Variants in GPR107 observed in about 807,000 individuals in gnomAD.
GPR107 encodes the protein protein GPR107.
In GPR107, 31 loss-of-function variants were observed where a neutral mutation model predicts 75.5. The ratio of observed to expected loss-of-function variants is 0.41; its 90% CI spans 0.31 to 0.55. The LOEUF (loss-of-function observed/expected upper bound fraction) is 0.55. Among genes scored for constraint, GPR107 ranks in the 20% least tolerant of loss-of-function variants. The pLI, the probability that GPR107 is intolerant of heterozygous loss-of-function variation, is 0.26. For synonymous variants in GPR107, 267 were observed against 251.3 expected (o/e 1.06, Z -0.59); for missense variants, 572 against 665.7 (o/e 0.86, Z 1.55).
At chr9:130,101,489 A>G (rs954917075) in intron 12 of GPR107, among the ~76,000 whole-genome samples, 5 of 152,270 alleles carry the variant, frequency 3.3e-5, no homozygotes, top group African/African-American at 2.4e-5. Context: ...GACACACAGT[A>G]ACACACAGTA....
At position 130,107,514 on chromosome 9, in the gene GPR107, A is replaced by G. The variant is rs774565572; in HGVS notation, c.1281A>G (p.Gln427=). 1 of 1,600,152 alleles carries G rather than the reference A, an allele frequency of 6.2e-7. No individual in the cohort carries two copies. The highest frequency in any genetic ancestry group is 8.6e-7 in the Non-Finnish European group (1 of 1,167,142). ...FPVVWSIRHL[Q]EASATDGKAA... The stretch of plus-strand genomic sequence containing the variant: ...TTTTTAGGTCAATCAGACATTTACA[A>G]GAAGCATCAGCAACAGATGGAAAAG... Residue 427 remains glutamine (Q), a synonymous_variant, in exon 14 of 18, where the codon CAA becomes CAG. Coordinates refer to ENST00000347136, the MANE Select transcript of GPR107 (RefSeq NM_020960.5).
At chr9:130,067,974 A>T (rs552732653) in intron 1 of GPR107, among the ~76,000 whole-genome samples, 108 of 151,986 alleles carry the variant, frequency 7.1e-4, no homozygotes, top group African/African-American at 2.5e-3. Flanking sequence ...TTCTGACTTC[A>T]AGTGATCCTC....
intron 7 of GPR107, among the ~76,000 whole-genome samples, chr9:130,088,785 G>T (rs538550220): frequency 6.6e-6 from 1 of 152,272 alleles, no homozygotes; most frequent in South Asian, 2.1e-4. Context: ...TAACCACTTT[G>T]CCTTTTACTG....
intron 14 of GPR107, chr9:130,110,362 T>C: frequency 1.3e-6 from 2 of 1,522,792 alleles, no homozygotes; most frequent in South Asian, 1.2e-5. Context: ...CTCATTTTTT[T>C]CCACCAGGTG....
At position 130,056,924 on chromosome 9, in the gene GPR107, C is replaced by CAAAAAAAAAAAAAAAAAA. The variant is rs11442007; in HGVS notation, c.141+2861_141+2878dup. Among the ~76,000 whole-genome samples, 9 of 42,896 alleles carry CAAAAAAAAAAAAAAAAAA rather than the reference C, an allele frequency of 2.1e-4. 1 individual carries two copies. The highest frequency in any genetic ancestry group is 1.0e-3 in the African/African-American group (9 of 8,646). 28.1% of individuals were successfully genotyped at this position (42,896 alleles called of 152,430 possible). A position where few individuals can be genotyped will look rare whatever the true frequency, so the allele number is the denominator to read the frequency against. ...TGGGTGACAGAGCGAGACTCCTTCT[C>CAAAAAAAAAAAAAAAAAA]AAAAAAAAAAAAAAAAAAAAAAAAA... On this transcript the variant is annotated intron_variant, in intron 1 of 17. Coordinates refer to ENST00000347136, the MANE Select transcript of GPR107 (RefSeq NM_020960.5).
At chr9:130,097,955 C>T (rs1295336404) in intron 9 of GPR107, among the ~76,000 whole-genome samples, 1 of 151,854 alleles carries the variant, frequency 6.6e-6, no homozygotes, top group Admixed American at 6.6e-5. Flanking sequence ...AGTCACGGCT[C>T]ATTGCAGCCT....
intron 1 of GPR107, among the ~76,000 whole-genome samples, chr9:130,062,573 G>T (rs190036365): frequency 4.9e-4 from 74 of 152,046 alleles, no homozygotes; most frequent in Middle Eastern, 3.4e-3. Flanking sequence ...TAGACAGGTA[G>T]TTATGATATA....
At chr9:130,073,369 A>G (rs1036206396) in intron 1 of GPR107, among the ~76,000 whole-genome samples, 1 of 152,294 alleles carries the variant, frequency 6.6e-6, no homozygotes, top group Middle Eastern at 3.4e-3. Flanking sequence ...GAGAAAATAG[A>G]TACTGAAGAC....
At chr9:130,091,122 C>T (rs541788613) in intron 8 of GPR107, 139 bp downstream of exon 8, 1 of 616,486 alleles carries the variant, frequency 1.6e-6, no homozygotes, top group South Asian at 1.9e-5. Context: ...GTGCAGGATA[C>T]TTCAGCAGAG....
intron 14 of GPR107, among the ~76,000 whole-genome samples, chr9:130,116,079 CT>C (rs1453750673): frequency 2.6e-5 from 4 of 152,226 alleles, no homozygotes; most frequent in African/African-American, 9.6e-5. Context: ...TGATACCACT[CT>C]CAGTTCATTT....
chr9:130,090,527 G>A (rs577553517), intron 7 of GPR107, among the ~76,000 whole-genome samples: 209 of 152,322 alleles, frequency 1.4e-3, no homozygotes, highest in Non-Finnish European at 2.6e-3. Context: ...GATAAAACAG[G>A]CATAGTAAAA....
chr9:130,109,179 C>A (rs1831234803), intron 14 of GPR107, among the ~76,000 whole-genome samples: 1 of 150,880 alleles, frequency 6.6e-6, no homozygotes, highest in African/African-American at 2.4e-5. Context: ...TGGGGATATT[C>A]TTCTTTTTTA....
At chr9:130,104,001 G>C (rs887760738) in intron 12 of GPR107, among the ~76,000 whole-genome samples, 1 of 152,202 alleles carries the variant, frequency 6.6e-6, no homozygotes, top group Admixed American at 6.5e-5. Context: ...CTTCTGGGCT[G>C]AGAAGCTTGC....
chr9:130,134,715 G>A (rs1361353725), intron 17 of GPR107, among the ~76,000 whole-genome samples: 4 of 152,196 alleles, frequency 2.6e-5, no homozygotes, highest in Admixed American at 6.5e-5. Context: ...CAAAAATTCC[G>A]CAAGCTGTGA....
At chr9:130,130,730 C>T (rs903996089) in intron 17 of GPR107, among the ~76,000 whole-genome samples, 11 of 152,052 alleles carry the variant, frequency 7.2e-5, no homozygotes, top group Admixed American at 6.5e-4. Context: ...ATTAGCTGGG[C>T]GTGGTGGCAG....
chr9:130,099,868 CTTTTTTTTTTTTTTTT>C (rs71387314), intron 10 of GPR107, among the ~76,000 whole-genome samples: 51 of 89,990 alleles, frequency 5.7e-4, no homozygotes, highest in African/African-American at 1.9e-3. Context: ...GTTTCCACGA[CTTTTTTTTTTTTTTTT>C]TTTTTTTTTT....
chr9:130,109,701 C>G (rs1419286753), intron 14 of GPR107, among the ~76,000 whole-genome samples: 1 of 151,834 alleles, frequency 6.6e-6, no homozygotes, highest in Non-Finnish European at 1.5e-5. Flanking sequence ...TCCCAAATAG[C>G]TGGGATTACA....
At chr9:130,074,363 A>C (rs4837453) in intron 1 of GPR107, among the ~76,000 whole-genome samples, 138,899 of 152,172 alleles carry the variant, frequency 0.91, 63,703 homozygotes, top group East Asian at 0.97. Context: ...GGAAACCCCA[A>C]ATCTAGAAAT....
chr9:130,092,456 T>A, intron 9 of GPR107, 75 bp downstream of exon 9: 10 of 1,192,606 alleles, frequency 8.4e-6, no homozygotes, highest in Non-Finnish European at 1.1e-5. Flanking sequence ...CTCCTGAACC[T>A]GGAGGCAGTT....
Sources: gnomAD v4.1 joint callset for allele counts (sites outside exome capture counted in the v4.1 genomes callset) on GRCh38, gnomAD v4.1.1 for gene constraint, MANE v1.5 for transcripts, NCBI Gene and HGNC (gene_info 2026-07-23, HGNC 2026-07-21) for gene names.